MAD1L1: variants seen among roughly 807,000 people sequenced by gnomAD.
MAD1L1 encodes mitotic arrest deficient 1 like 1.
Under a neutral mutation model 96.9 loss-of-function variants are expected in MAD1L1, and 95 were observed. The observed-to-expected ratio is 0.98, with a 90% CI of 0.83 to 1.16. The LOEUF is 1.16. Ranked by LOEUF, MAD1L1 falls within the 50% of genes most tolerant of loss-of-function variation. The probability of loss-of-function intolerance (pLI) is 0.00; values close to 1 mark genes in which losing one functional copy is unlikely to be tolerated. For missense variants in MAD1L1, 1,007 were observed against 954.4 expected (o/e 1.06, Z -0.73); for synonymous variants, 473 against 396.6 (o/e 1.19, Z -2.29).
rs1443913192 is a variant in MAD1L1 at position 2,107,085 on chromosome 7, T to C, written c.1074-37747A>G. 3.9e-5 allele frequency among the ~76,000 whole-genome samples: 6 copies of C among 152,334 alleles called. No individual in the cohort carries two copies. The South Asian group carries it at 6.2e-4, about 16-fold the overall frequency. ...CAGCATCACTCAGCACCTGGCTGCC[T>C]GGGACAGCCGGAGGGCCTGAGGATG... is the stretch of plus-strand genomic sequence containing the variant. On this transcript the variant is annotated intron_variant, in intron 11 of 18. Transcript: ENST00000265854.
intron 10 of MAD1L1, among the ~76,000 whole-genome samples, chr7:2,193,007 T>C (rs1791801685): frequency 6.6e-6 from 1 of 152,174 alleles, no homozygotes; most frequent in African/African-American, 2.4e-5. Flanking sequence ...GGGTTGTCAG[T>C]AAATGGAAGT....
At position 2,047,009 on chromosome 7, in the gene MAD1L1, C is replaced by T. The variant is rs541274580; in HGVS notation, c.1218+22185G>A. On this transcript the variant is annotated intron_variant, in intron 12 of 18. Transcript: ENST00000265854. ...GATCAGTAATGAATGGCCACCAGCGCGCACATCCATGCCCCAATGCCAGCT... is the reference window on the plus strand; with the variant it reads ...GATCAGTAATGAATGGCCACCAGCGTGCACATCCATGCCCCAATGCCAGCT... 2.6e-5 allele frequency among the ~76,000 whole-genome samples: 4 copies of T among 152,340 alleles called. No individual in the cohort carries two copies. The South Asian group carries it at 6.2e-4, about 24-fold the overall frequency.
At chr7:1,844,745 C>T (rs1783493754) in intron 18 of MAD1L1, among the ~76,000 whole-genome samples, 1 of 152,226 alleles carries the variant, frequency 6.6e-6, no homozygotes, top group African/African-American at 2.4e-5. Flanking sequence ...GGGGACCCGT[C>T]TGGTTGCATC....
intron 18 of MAD1L1, among the ~76,000 whole-genome samples, chr7:1,836,079 T>C (rs1782924267): frequency 1.3e-5 from 2 of 152,222 alleles, no homozygotes; most frequent in South Asian, 4.1e-4. Flanking sequence ...TGGAGTGCAG[T>C]GGCGCAATCT....
chr7:1,829,874 C>T (rs946406221), intron 18 of MAD1L1, among the ~76,000 whole-genome samples: 1 of 152,178 alleles, frequency 6.6e-6, no homozygotes, highest in African/African-American at 2.4e-5. Flanking sequence ...ATGAGAATGA[C>T]AGCAGACTTC....
intron 11 of MAD1L1, among the ~76,000 whole-genome samples, chr7:2,101,113 T>A (rs555910914): frequency 6.6e-6 from 1 of 152,282 alleles, no homozygotes; most frequent in East Asian, 1.9e-4. Context: ...AGAAACTTGC[T>A]CCCCTTCAAT....
chr7:2,038,662 G>A (rs1783548377), intron 12 of MAD1L1, among the ~76,000 whole-genome samples: 1 of 151,850 alleles, frequency 6.6e-6, no homozygotes, highest in South Asian at 2.1e-4. Flanking sequence ...ACAAGTGTGT[G>A]CCACCACGCC....
chr7:2,105,838 T>A (rs1787061397), intron 11 of MAD1L1, among the ~76,000 whole-genome samples: 1 of 151,052 alleles, frequency 6.6e-6, no homozygotes, highest in South Asian at 2.1e-4. Flanking sequence ...CCCACCCCGC[T>A]CCCCAGCTCC....
At chr7:1,885,800 G>C (rs1036761959) in intron 18 of MAD1L1, among the ~76,000 whole-genome samples, 1 of 152,168 alleles carries the variant, frequency 6.6e-6, no homozygotes. Context: ...TTCCAGTCCT[G>C]TCTCTCTCCC....
rs1002410968 is a variant in MAD1L1, at chr7:2,146,398, C to A, written c.1073+2754G>T. On this transcript the variant is annotated intron_variant, in intron 11 of 18. Coordinates refer to ENST00000265854, the MANE Select transcript of MAD1L1 (RefSeq NM_001013836.2). This position sits in a 1 kb window ranked among gnomAD's most constrained non-coding sequence, Gnocchi z 6.2. ...GGGCAACGCCTCGAAGAGGGAGCAC[C>A]GGGCACTGGGCTACGAGGAACAGGG... Among the ~76,000 whole-genome samples, 5 of 152,132 alleles carry A rather than the reference C, an allele frequency of 3.3e-5. No individual in the cohort carries two copies. Among genetic ancestry groups the A allele is most frequent in the Non-Finnish European group, 5.9e-5 (4 of 68,028 alleles).
intron 11 of MAD1L1, among the ~76,000 whole-genome samples, chr7:2,124,169 G>A (rs1017564325): frequency 3.3e-5 from 5 of 152,218 alleles, no homozygotes; most frequent in East Asian, 1.9e-4. Flanking sequence ...TGCTCAACTC[G>A]CAGAGCAGCA....
At chr7:2,220,493 G>A (rs1056252519) in intron 5 of MAD1L1, among the ~76,000 whole-genome samples, 10 of 152,230 alleles carry the variant, frequency 6.6e-5, no homozygotes, top group Non-Finnish European at 1.0e-4. Context: ...ATCACTGTAA[G>A]TTAACACACG....
chr7:1,999,826 GCAAT>G (rs1157759893), intron 14 of MAD1L1, among the ~76,000 whole-genome samples: 2 of 152,172 alleles, frequency 1.3e-5, no homozygotes, highest in Admixed American at 1.3e-4. Flanking sequence ...AGGGCCCAGG[GCAAT>G]CCTCTGCTCC....
intron 11 of MAD1L1, among the ~76,000 whole-genome samples, chr7:2,147,493 G>A (rs1789367783): frequency 6.6e-6 from 1 of 152,264 alleles, no homozygotes. Context: ...TGAGAACCCA[G>A]GATTTCAGGG....
At chr7:2,232,350 G>A (rs148436240) in intron 1 of MAD1L1, among the ~76,000 whole-genome samples, 2,029 of 152,360 alleles carry the variant, frequency 0.013, 22 homozygotes, top group Non-Finnish European at 0.02. Context: ...TTGCCCAAAC[G>A]AGATCAGGGT....
intron 18 of MAD1L1, chr7:1,847,277 C>T (rs564702981): frequency 3.4e-5 from 16 of 471,040 alleles, no homozygotes; most frequent in African/African-American, 2.0e-4. Context: ...GGGACACAAC[C>T]GAACGTGCCA....
intron 12 of MAD1L1, among the ~76,000 whole-genome samples, chr7:2,020,762 CTTT>C (rs55993035): frequency 6.8e-6 from 1 of 147,466 alleles, no homozygotes; most frequent in African/African-American, 2.5e-5. Context: ...AAAAAGAATA[CTTT>C]TTTTTTTTTT....
rs75415668 is a variant in MAD1L1 at position 2,104,810 on chromosome 7, C to G, written c.1074-35472G>C. 5.4e-3 allele frequency among the ~76,000 whole-genome samples: 830 copies of G among 152,348 alleles called. 23 individuals carry two copies. The highest frequency in any genetic ancestry group is 0.046 in the Admixed American group (705 of 15,296). On this transcript the variant is annotated intron_variant, in intron 11 of 18. Coordinates refer to ENST00000265854, the MANE Select transcript of MAD1L1 (RefSeq NM_001013836.2). ...TTATCTGAGCACAGGTCACATAAATCACTGCAGCTCCCACGCCAGGCCGTG... is the reference window on the plus strand; with the variant it reads ...TTATCTGAGCACAGGTCACATAAATGACTGCAGCTCCCACGCCAGGCCGTG...
chr7:2,071,605 C>G (rs979076866), intron 11 of MAD1L1, among the ~76,000 whole-genome samples: 4 of 152,190 alleles, frequency 2.6e-5, no homozygotes, highest in African/African-American at 9.7e-5. Flanking sequence ...ACTAGAGGCT[C>G]GGGACTTCAG....
Sources: allele counts gnomAD v4.1 joint callset (sites outside exome capture counted in the v4.1 genomes callset), GRCh38; gene constraint gnomAD v4.1.1; non-coding constraint Gnocchi (gnomAD v3.1); transcripts MANE v1.5; gene names NCBI Gene and HGNC (gene_info 2026-07-23, HGNC 2026-07-21).